The following EMSY variants were observed in gnomAD, a reference collection of about 807,000 sequenced individuals.
The protein encoded by EMSY is EMSY transcriptional repressor, BRCA2 interacting.
A neutral mutation model predicts 134.6 loss-of-function variants in EMSY; 26 were observed. The observed-to-expected ratio is 0.19, with a 90% confidence interval of 0.14 to 0.27. The LOEUF (loss-of-function observed/expected upper bound fraction) is 0.27, where lower values mean the gene tolerates loss of function less well. Among genes scored for constraint, EMSY ranks in the 10% least tolerant of loss-of-function variants. EMSY has a pLI of 1.00. For missense variants in EMSY, 1,305 were observed against 1,611.4 expected (o/e 0.81, Z 3.26); for synonymous variants, 579 against 577.8 (o/e 1.00, Z -0.03).
chr11:76,522,517 G>A lies in EMSY; in HGVS notation c.1685-638G>A, dbSNP rs192385453. 1.9e-3 allele frequency among the ~76,000 whole-genome samples: 295 copies of A among 151,636 alleles called. 1 individual carries two copies. Among genetic ancestry groups the A allele is most frequent in the African/African-American group, 6.8e-3 (282 of 41,350 alleles). On this transcript the variant is annotated intron_variant, in intron 11 of 20. Coordinates refer to ENST00000334736, the Ensembl canonical transcript of EMSY. Reference sequence around the variant, plus strand: ...CAAGTAGCTGGGATTACAGGCGCCCGCCGCCACCCCCAGCTAATTTTTTTG... The same window carrying A: ...CAAGTAGCTGGGATTACAGGCGCCCACCGCCACCCCCAGCTAATTTTTTTG...
intron 9 of EMSY, chr11:76,496,674 A>G: frequency 1.5e-6 from 1 of 646,784 alleles, no homozygotes; most frequent in South Asian, 1.6e-5. Context: ...CGTGATTATA[A>G]TTGGTATTAT....
chr11:76,456,464 G>A (rs1202151335), intron 4 of EMSY, among the ~76,000 whole-genome samples: 2 of 150,240 alleles, frequency 1.3e-5, no homozygotes, highest in Non-Finnish European at 3.0e-5. Context: ...CTTAATTTGT[G>A]TGGTAAACTC....
chr11:76,495,842 AATT>A (rs1483340935), intron 8 of EMSY, among the ~76,000 whole-genome samples: 1 of 152,190 alleles, frequency 6.6e-6, no homozygotes, highest in East Asian at 1.9e-4. Flanking sequence ...AAGATTCAAA[AATT>A]AATAAAATCG....
chr11:76,471,792 G>A (rs1452487162), intron 7 of EMSY, among the ~76,000 whole-genome samples: 2 of 152,098 alleles, frequency 1.3e-5, no homozygotes, highest in African/African-American at 4.8e-5. Flanking sequence ...CTCTGCAGTT[G>A]TCTACTACTA....
chr11:76,446,834 G>C (rs770722638), intron 1 of EMSY, 66 bp from the exon 2 acceptor site: 274 of 991,950 alleles, frequency 2.8e-4, no homozygotes, highest in Non-Finnish European at 3.7e-4. Flanking sequence ...TGGATCTCCA[G>C]GTGAGTGGCC....
At chr11:76,524,713 A>G (rs1411134337) in intron 12 of EMSY, among the ~76,000 whole-genome samples, 1 of 152,208 alleles carries the variant, frequency 6.6e-6, no homozygotes, top group Non-Finnish European at 1.5e-5. Context: ...TAGTAAAACA[A>G]GCAAATCAAC....
chr11:76,446,323 G>GTATATATATGTGTA (rs1565262999), intron 1 of EMSY, among the ~76,000 whole-genome samples: 16 of 57,976 alleles, frequency 2.8e-4, no homozygotes, highest in African/African-American at 1.1e-3. Context: ...GTGTGTGTGT[G>GTATATATATGTGTA]TATATATATA....
chr11:76,542,428 G>A (rs2136694765), intron 18 of EMSY, 61 bp downstream of exon 19: 1 of 1,548,356 alleles, frequency 6.5e-7, no homozygotes, highest in East Asian at 2.3e-5. Flanking sequence ...ATAAGATTCA[G>A]TGTCATCTTG....
At chr11:76,480,933 A>G (rs968658212) in intron 8 of EMSY, among the ~76,000 whole-genome samples, 1 of 152,210 alleles carries the variant, frequency 6.6e-6, no homozygotes, top group African/African-American at 2.4e-5. Flanking sequence ...AGACCAGGAG[A>G]TTCCTTCGGG....
At chr11:76,523,398 C>T in intron 12 of EMSY, 107 bp downstream of exon 13, 1 of 1,283,392 alleles carries the variant, frequency 7.8e-7, no homozygotes, top group South Asian at 1.5e-5. Flanking sequence ...GCCAGAATGG[C>T]TTGGTTTACC....
At chr11:76,529,967 A>T (rs986286284) in intron 14 of EMSY, among the ~76,000 whole-genome samples, 14 of 152,272 alleles carry the variant, frequency 9.2e-5, no homozygotes, top group African/African-American at 3.4e-4. Flanking sequence ...CGAGATATAC[A>T]AAATATATTT....
chr11:76,547,230 C>A, intron 20 of EMSY: 1 of 279,342 alleles, frequency 3.6e-6, no homozygotes, highest in Non-Finnish European at 7.0e-6. Flanking sequence ...CTAGGATTTA[C>A]CATCAATTCA....
chr11:76,451,708 T>A, intron 2 of EMSY, 150 bp from the exon 3 acceptor site: 2 of 416,464 alleles, frequency 4.8e-6, no homozygotes, highest in Non-Finnish European at 8.5e-6. Flanking sequence ...AGTCACATTT[T>A]AATGTTATTA....
chr11:76,550,115 G>C (rs1274482838), exon 21 of EMSY: 10 of 1,613,210 alleles, frequency 6.2e-6, no homozygotes, highest in Non-Finnish European at 8.5e-6. Context: ...ACTGAACCCA[G>C]CCCTTCTCAG....
At chr11:76,550,238 C>A in exon 21 of EMSY, 1 of 1,120,098 alleles carries the variant, frequency 8.9e-7, no homozygotes, top group Non-Finnish European at 1.2e-6. Flanking sequence ...GAGCACTTTG[C>A]CCGTACTTAG....
At chr11:76,447,319 G>A (rs1229231584) in intron 2 of EMSY, among the ~76,000 whole-genome samples, 1 of 152,150 alleles carries the variant, frequency 6.6e-6, no homozygotes, top group African/African-American at 2.4e-5. Flanking sequence ...AAGCCTAAAA[G>A]GTAGGTGTTT....
exon 21 of EMSY, chr11:76,550,434 A>C (rs963293367): frequency 4.2e-6 from 1 of 236,082 alleles, no homozygotes; most frequent in Non-Finnish European, 8.1e-6. Flanking sequence ...CCGGTGAAAC[A>C]GTTTTGTCTT....
intron 9 of EMSY, among the ~76,000 whole-genome samples, chr11:76,507,865 C>CTTTTTT (rs55756987): frequency 1.2e-4 from 14 of 118,624 alleles, no homozygotes; most frequent in African/African-American, 1.5e-4. Flanking sequence ...TTTTCTTTTT[C>CTTTTTT]TTTTTTTTTT....
chr11:76,526,699 G>A (rs1214734187), intron 13 of EMSY, 64 bp downstream of exon 14: 38 of 1,419,414 alleles, frequency 2.7e-5, no homozygotes, highest in East Asian at 7.2e-5. Flanking sequence ...ATAATTCCCG[G>A]GTAGAAATTT....
Sources: gnomAD v4.1 joint callset for allele counts (sites outside exome capture counted in the v4.1 genomes callset) on GRCh38, gnomAD v4.1.1 for gene constraint, MANE v1.5 for transcripts, NCBI Gene and HGNC (gene_info 2026-07-23, HGNC 2026-07-21) for gene names.